PGAP1: variants seen among roughly 807,000 people sequenced by gnomAD.
The protein encoded by PGAP1 is GPI inositol-deacylase.
A neutral mutation model predicts 127.0 loss-of-function variants in PGAP1; 76 were observed. The ratio of observed to expected loss-of-function variants is 0.60; its 90% CI spans 0.50 to 0.72. The LOEUF (loss-of-function observed/expected upper bound fraction) is 0.72. PGAP1 is among the 30% of genes least tolerant of loss of function. PGAP1 has a pLI of 0.00. For missense variants in PGAP1, 982 were observed against 1,071.3 expected (o/e 0.92, Z 1.16); for synonymous variants, 362 against 366.5 (o/e 0.99, Z 0.14).
chr2:196,853,282 T>C (rs1416585474), intron 20 of PGAP1, among the ~76,000 whole-genome samples: 1 of 152,252 alleles, frequency 6.6e-6, no homozygotes, highest in Non-Finnish European at 1.5e-5. Flanking sequence ...CTAACTGTAC[T>C]GTTATGGCCT....
chr2:196,870,503 C>T (rs977769338), intron 19 of PGAP1, among the ~76,000 whole-genome samples: 10 of 152,008 alleles, frequency 6.6e-5, no homozygotes, highest in Admixed American at 2.6e-4. Context: ...CACCAGTTGG[C>T]CAGGCTGGTC....
chr2:196,868,296 T>C (rs922286689), intron 19 of PGAP1, among the ~76,000 whole-genome samples: 5 of 152,304 alleles, frequency 3.3e-5, no homozygotes, highest in Non-Finnish European at 5.9e-5. Flanking sequence ...GTGTTTAGAA[T>C]ATTGTAAGAG....
At chr2:196,882,461 A>C (rs1294586876) in intron 12 of PGAP1, among the ~76,000 whole-genome samples, 1 of 152,240 alleles carries the variant, frequency 6.6e-6, no homozygotes, top group Admixed American at 6.5e-5. Flanking sequence ...TTTTAATGCT[A>C]TTGATTCTTC....
rs1453787547 is a variant in PGAP1 at position 196,847,991 on chromosome 2, T to C, written c.1908A>G (p.Pro636=). The C allele has an allele frequency of 2.5e-6, 4 of 1,601,972 alleles. No homozygotes were observed. Among genetic ancestry groups the C allele is most frequent in the South Asian group, 2.3e-5 (2 of 88,142 alleles). ...TAATTACAAAAGGATCAACTTTGTATGGTTTGGCTTCTTTATCCAACATGG... is the reference window on the plus strand; with the variant it reads ...TAATTACAAAAGGATCAACTTTGTACGGTTTGGCTTCTTTATCCAACATGG... ...YATMLDKEAK[P]YKVDPFVIII... The change falls in exon 21 of 27, where the codon CCA becomes CCG. Residue 636 remains proline, a synonymous_variant. Transcript: ENST00000354764.
At chr2:196,918,736 G>A (rs560208576) in intron 2 of PGAP1, among the ~76,000 whole-genome samples, 6 of 152,278 alleles carry the variant, frequency 3.9e-5, no homozygotes, top group Non-Finnish European at 7.4e-5. Context: ...TAATCATGAA[G>A]GGGCACAGAA....
intron 17 of PGAP1, 177 bp from the exon 18 acceptor site, chr2:196,872,726 G>A: frequency 1.7e-6 from 1 of 594,986 alleles, no homozygotes; most frequent in Non-Finnish European, 3.0e-6. Flanking sequence ...CTCCCTCTAG[G>A]ACACAGGAGT....
chr2:196,852,812 ATGAC>A (rs1440498357), intron 20 of PGAP1, among the ~76,000 whole-genome samples: 1 of 152,164 alleles, frequency 6.6e-6, no homozygotes, highest in Admixed American at 6.5e-5. Context: ...CTAAAGTAAA[ATGAC>A]TGGTTATTTA....
chr2:196,852,990 G>A (rs954089943), intron 20 of PGAP1, among the ~76,000 whole-genome samples: 5 of 152,272 alleles, frequency 3.3e-5, no homozygotes, highest in East Asian at 3.9e-4. Flanking sequence ...ATTAAGATTC[G>A]ATATTAAAGA....
intron 19 of PGAP1, among the ~76,000 whole-genome samples, chr2:196,866,135 T>C (rs1283375705): frequency 2.6e-5 from 4 of 152,202 alleles, no homozygotes; most frequent in Non-Finnish European, 5.9e-5. Context: ...TTGTTTCATA[T>C]GGAACCAAAA....
chr2:196,869,524 C>T (rs191490007), intron 19 of PGAP1, among the ~76,000 whole-genome samples: 29 of 152,220 alleles, frequency 1.9e-4, no homozygotes, highest in Middle Eastern at 3.4e-3. Context: ...TTAATAGAGA[C>T]GGGGTTTCAC....
At position 196,885,377 on chromosome 2, in the gene PGAP1, A is replaced by C. The variant is rs777957457; in HGVS notation, c.1272+47T>G. 5 of 1,296,740 alleles carry C rather than the reference A, an allele frequency of 3.9e-6. No individual in the cohort carries two copies. The East Asian group carries it at 9.3e-5, about 24-fold the overall frequency. The allele number at this position is 1,296,740 out of a possible 1,614,324, so 80.3% of individuals were successfully genotyped here. A position where few individuals can be genotyped will look rare whatever the true frequency, so the allele number is the denominator to read the frequency against. On this transcript the variant is annotated intron_variant, in intron 12 of 26. Coordinates refer to ENST00000354764, the MANE Select transcript of PGAP1 (RefSeq NM_024989.4). ...AATATTTTAAAATGTGTATAGACTCAAGTATTTTTTTCAACTGAATATTAA... is the reference window on the plus strand; with the variant it reads ...AATATTTTAAAATGTGTATAGACTCCAGTATTTTTTTCAACTGAATATTAA...
chr2:196,852,737 T>G (rs1363233500), intron 20 of PGAP1, among the ~76,000 whole-genome samples: 1 of 152,070 alleles, frequency 6.6e-6, no homozygotes, highest in East Asian at 1.9e-4. Flanking sequence ...GTGTTTTTGG[T>G]AAGGAAGGTT....
Position 196,875,824 on chromosome 2 carries a change from G to GAATATATA in PGAP1, c.1351-4_1351-3insTATATATT. The GAATATATA allele has an allele frequency of 7.2e-7, 1 of 1,379,946 alleles. No individual in the cohort carries two copies. Among genetic ancestry groups the GAATATATA allele is most frequent in the East Asian group, 2.3e-5 (1 of 43,380 alleles). The allele number at this position is 1,379,946 out of a possible 1,614,324, so 85.5% of individuals were successfully genotyped here. ...AAGAATTCACAATCTACAACAAACT[G>GAATATATA]AAATATAAAACATTGATTTATTAGA... On this transcript the variant is annotated splice_polypyrimidine_tract_variant and splice_region_variant and intron_variant, in intron 13 of 26. Transcript: ENST00000354764.
At chr2:196,912,405 T>G (rs538965855) in intron 4 of PGAP1, among the ~76,000 whole-genome samples, 1 of 151,832 alleles carries the variant, frequency 6.6e-6, no homozygotes, top group African/African-American at 2.4e-5. Context: ...GAGGCTGAGA[T>G]AGGCAGATCA....
chr2:196,859,750 A>C (rs1284596834), intron 20 of PGAP1, among the ~76,000 whole-genome samples: 1 of 152,230 alleles, frequency 6.6e-6, no homozygotes, highest in Non-Finnish European at 1.5e-5. Context: ...CACAAATGGA[A>C]TCGAGAAGTA....
rs1164337349 is a variant in PGAP1 at position 196,841,202 on chromosome 2, T to C, written c.*32A>G. The C allele has an allele frequency of 6.3e-7, 1 of 1,599,382 alleles. No homozygotes were observed. The highest frequency in any genetic ancestry group is 8.5e-7 in the Non-Finnish European group (1 of 1,172,418). ...CCTCTTATCACTGGCCCTAAACACA[T>C]AAATTATCTTCATCATTCCTTAAGT... is the stretch of plus-strand genomic sequence containing the variant. On this transcript the variant is annotated 3_prime_UTR_variant, in exon 27 of 27. Coordinates refer to ENST00000354764, the MANE Select transcript of PGAP1 (RefSeq NM_024989.4).
At chr2:196,885,522 G>A in intron 11 of PGAP1, 47 bp from the exon 12 acceptor site, 2 of 1,285,298 alleles carry the variant, frequency 1.6e-6, no homozygotes, top group Middle Eastern at 2.1e-4. Flanking sequence ...ATATATGGAA[G>A]TATTACAAAT....
At chr2:196,882,352 T>C (rs1254370803) in intron 12 of PGAP1, among the ~76,000 whole-genome samples, 2 of 152,200 alleles carry the variant, frequency 1.3e-5, no homozygotes, top group Non-Finnish European at 2.9e-5. Context: ...TGGTTCCATA[T>C]GAATTTTAAA....
chr2:196,905,578 G>A (rs1050622553), intron 4 of PGAP1, among the ~76,000 whole-genome samples: 1 of 152,074 alleles, frequency 6.6e-6, no homozygotes, highest in African/African-American at 2.4e-5. Flanking sequence ...TCAAAATTAA[G>A]ATAATGCGGG....
Sources: allele counts gnomAD v4.1 joint callset (sites outside exome capture counted in the v4.1 genomes callset), GRCh38; gene constraint gnomAD v4.1.1; transcripts MANE v1.5; gene names NCBI Gene and HGNC (gene_info 2026-07-23, HGNC 2026-07-21).